The following RAB30 variants were observed in gnomAD, a reference collection of about 807,000 sequenced individuals.
The protein encoded by RAB30 is RAB30, member RAS oncogene family.
Under a neutral mutation model 25.1 loss-of-function variants are expected in RAB30, and 9 were observed. The ratio of observed to expected loss-of-function variants is 0.36; its 90% CI spans 0.22 to 0.63. The LOEUF is 0.63. Among genes scored for constraint, RAB30 ranks in the 20% least tolerant of loss-of-function variants. RAB30 has a pLI of 0.69. For synonymous variants in RAB30, 77 were observed against 86.4 expected (o/e 0.89, Z 0.60); for missense variants, 140 against 243.5 (o/e 0.58, Z 2.83).
chr11:83,021,378 C>T (rs1857574473), intron 1 of RAB30, among the ~76,000 whole-genome samples: 1 of 152,234 alleles, frequency 6.6e-6, no homozygotes. Context: ...GCTGTGACTC[C>T]CTCTTCTGGG....
At chr11:83,005,764 T>A (rs1452815410) in intron 1 of RAB30, among the ~76,000 whole-genome samples, 2 of 152,036 alleles carry the variant, frequency 1.3e-5, no homozygotes, top group Non-Finnish European at 2.9e-5. Context: ...GTTTCAAAAA[T>A]TCTGTATGGC....
At chr11:83,017,683 T>C (rs1318096556) in intron 1 of RAB30, among the ~76,000 whole-genome samples, 1 of 152,214 alleles carries the variant, frequency 6.6e-6, no homozygotes, top group Admixed American at 6.5e-5. Flanking sequence ...TCCAACTCCA[T>C]CCAGCTTGCT....
intron 1 of RAB30, among the ~76,000 whole-genome samples, chr11:83,045,224 A>C (rs575529097): frequency 6.6e-6 from 1 of 151,726 alleles, no homozygotes; most frequent in South Asian, 2.1e-4. Context: ...TTTTTTTTAT[A>C]GAGACGAGGT....
intron 1 of RAB30, among the ~76,000 whole-genome samples, chr11:83,044,229 A>T (rs1858190722): frequency 6.6e-6 from 1 of 152,244 alleles, no homozygotes; most frequent in African/African-American, 2.4e-5. Flanking sequence ...CTACCCCCTG[A>T]AAATCCCTAA....
chr11:83,023,149 C>T (rs185915065), intron 1 of RAB30, among the ~76,000 whole-genome samples: 1 of 152,148 alleles, frequency 6.6e-6, no homozygotes, highest in East Asian at 1.9e-4. Context: ...TCAGTTGATT[C>T]TGGTGATAAT....
chr11:82,982,523 G>A, intron 4 of RAB30, 108 bp from the exon 5 acceptor site: 3 of 1,195,546 alleles, frequency 2.5e-6, no homozygotes, highest in Non-Finnish European at 3.5e-6. Context: ...AGATGGGCGA[G>A]TAAAACAAAA....
chr11:83,054,687 C>A (rs997176043), intron 1 of RAB30, among the ~76,000 whole-genome samples: 1 of 149,520 alleles, frequency 6.7e-6, no homozygotes, highest in Non-Finnish European at 1.5e-5. Flanking sequence ...AGAATGAGAC[C>A]CTGTGTCTAC....
At chr11:83,027,682 A>G (rs1332427394) in intron 1 of RAB30, among the ~76,000 whole-genome samples, 2 of 152,210 alleles carry the variant, frequency 1.3e-5, no homozygotes, top group African/African-American at 4.8e-5. Context: ...GAAAAAAAAT[A>G]AAATGTACAT....
intron 1 of RAB30, among the ~76,000 whole-genome samples, chr11:83,042,946 C>T (rs185416734): frequency 2.0e-4 from 30 of 152,214 alleles, no homozygotes; most frequent in African/African-American, 4.6e-4. Flanking sequence ...GGATTAAAAA[C>T]GAACCAACAG....
At chr11:83,005,322 C>T (rs1384607692) in intron 1 of RAB30, among the ~76,000 whole-genome samples, 1 of 152,326 alleles carries the variant, frequency 6.6e-6, no homozygotes, top group East Asian at 1.9e-4. Context: ...CCCCAGGTTC[C>T]TGGCCATTTG....
intron 1 of RAB30, among the ~76,000 whole-genome samples, chr11:83,001,160 TTACTC>T (rs992368173): frequency 1.3e-5 from 2 of 151,422 alleles, no homozygotes; most frequent in African/African-American, 4.9e-5. Context: ...CTATAAGAAA[TTACTC>T]TAATGCTCTG....
chr11:82,997,211 C>T lies in RAB30; in HGVS notation c.93+13G>A, dbSNP rs899617688. The T allele has an allele frequency of 2.4e-5, 38 of 1,593,288 alleles. No individual in the cohort carries two copies. The highest frequency in any genetic ancestry group is 2.9e-5 in the Non-Finnish European group (34 of 1,161,154). ...AACCCTGGGCTTACGAGTTCCCTTA[C>T]GAGTTCCCTTACCTGAGTGAATCTT... On this transcript the variant is annotated intron_variant, in intron 2 of 4. Coordinates refer to ENST00000527633, the MANE Select transcript of RAB30 (RefSeq NM_001286060.2).
At chr11:82,998,251 TG>T (rs1201851902) in intron 1 of RAB30, among the ~76,000 whole-genome samples, 3 of 152,288 alleles carry the variant, frequency 2.0e-5, no homozygotes, top group African/African-American at 7.2e-5. Context: ...AATTAATTAA[TG>T]GGCATGTTGC....
chr11:83,032,495 T>C (rs1278079087), intron 1 of RAB30, among the ~76,000 whole-genome samples: 1 of 152,116 alleles, frequency 6.6e-6, no homozygotes, highest in African/African-American at 2.4e-5. Context: ...AATTCACAAT[T>C]TTCTTTCTTT....
chr11:83,064,034 A>T (rs908547166), intron 1 of RAB30, among the ~76,000 whole-genome samples: 1 of 152,224 alleles, frequency 6.6e-6, no homozygotes, highest in African/African-American at 2.4e-5. Flanking sequence ...ACAGTTGATT[A>T]TCTTTGTGGG....
intron 1 of RAB30, among the ~76,000 whole-genome samples, chr11:83,015,751 C>T (rs1429970632): frequency 6.6e-6 from 1 of 152,126 alleles, no homozygotes; most frequent in African/African-American, 2.4e-5. Context: ...CTGAAGAAAG[C>T]TCAGAGAGGT....
At chr11:83,049,222 C>T (rs1858299610) in intron 1 of RAB30, among the ~76,000 whole-genome samples, 1 of 151,946 alleles carries the variant, frequency 6.6e-6, no homozygotes. Context: ...CCATCCTGGC[C>T]AACATGGTGA....
At chr11:82,993,509 T>C (rs1439221359) in intron 3 of RAB30, among the ~76,000 whole-genome samples, 1 of 152,152 alleles carries the variant, frequency 6.6e-6, no homozygotes, top group African/African-American at 2.4e-5. Flanking sequence ...ACCATACTTC[T>C]TCCAAGTACC....
chr11:82,986,977 C>T (rs1856749921), intron 4 of RAB30: 1 of 151,818 alleles, frequency 6.6e-6, no homozygotes, highest in South Asian at 2.1e-4. Context: ...AACACTTTTC[C>T]ACTACAAACA....
Sources: allele counts gnomAD v4.1 joint callset (sites outside exome capture counted in the v4.1 genomes callset), GRCh38; gene constraint gnomAD v4.1.1; transcripts MANE v1.5; gene names NCBI Gene and HGNC (gene_info 2026-07-23, HGNC 2026-07-21).